Variants in TRAPPC10 observed in about 807,000 individuals in gnomAD.
The protein encoded by TRAPPC10 is TRAPP 130 kDa subunit.
TRAPPC10 carries 23 observed loss-of-function variants against 125.5 expected under a neutral mutation model. The observed-to-expected ratio is 0.18, with a 90% CI of 0.13 to 0.26. The LOEUF (loss-of-function observed/expected upper bound fraction) is 0.26, where lower values mean the gene tolerates loss of function less well. Ranked by LOEUF, TRAPPC10 falls within the 10% of genes least tolerant of loss-of-function variation. TRAPPC10 has a pLI of 1.00. For synonymous variants in TRAPPC10, 509 were observed against 518.0 expected (o/e 0.98, Z 0.24); for missense variants, 1,123 against 1,308.4 (o/e 0.86, Z 2.19).
In TRAPPC10 at chr21:44,058,237, T is replaced by G. The variant is rs377420120; in HGVS notation, c.679-866T>G. Among the ~76,000 whole-genome samples the G allele has an allele frequency of 2.9e-4, 44 of 152,178 alleles. 1 individual carries two copies. The East Asian group carries it at 5.6e-3, about 19-fold the overall frequency. On this transcript the variant is annotated intron_variant, in intron 5 of 22. Coordinates refer to ENST00000291574, the MANE Select transcript of TRAPPC10 (RefSeq NM_003274.5). ...GGACTTAGCCAGAGCTGAAGGAGTT[T>G]GGAGAGCAAGCCATGTGGGTGTATA...
At chr21:44,067,259 A>G (rs2036519932) in intron 7 of TRAPPC10, among the ~76,000 whole-genome samples, 4 of 152,174 alleles carry the variant, frequency 2.6e-5, no homozygotes, top group Non-Finnish European at 5.9e-5. Flanking sequence ...GAGGAAGAAG[A>G]AGGTTTACAG....
chr21:44,012,649 C>A, intron 1 of TRAPPC10, 89 bp downstream of exon 1: 1 of 1,200,294 alleles, frequency 8.3e-7, no homozygotes, highest in Non-Finnish European at 1.2e-6. Flanking sequence ...GACCTTCAGC[C>A]CCCGGCGCGC....
chr21:44,040,664 A>C (rs1255484407), intron 3 of TRAPPC10, among the ~76,000 whole-genome samples: 1 of 150,668 alleles, frequency 6.6e-6, no homozygotes, highest in Non-Finnish European at 1.5e-5. Context: ...CCCAGGCTGG[A>C]GTGCTGGAGT....
At chr21:44,040,210 A>G (rs956801801) in intron 3 of TRAPPC10, among the ~76,000 whole-genome samples, 3 of 152,248 alleles carry the variant, frequency 2.0e-5, no homozygotes, top group Non-Finnish European at 4.4e-5. Flanking sequence ...AACTAAGTTT[A>G]TAAGTTCCCA....
rs2035900655 is a variant in TRAPPC10, at chr21:44,059,843, G to T, written c.790+629G>T. The T allele has an allele frequency of 3.6e-6, 1 of 278,836 alleles. No homozygotes were observed. Among genetic ancestry groups the T allele is most frequent in the Non-Finnish European group, 6.7e-6 (1 of 150,066 alleles). 17.3% of individuals were successfully genotyped at this position (278,836 alleles called of 1,614,324 possible). A position where few individuals can be genotyped will look rare whatever the true frequency, so the allele number is the denominator to read the frequency against. ...CCTGGGCATCTCTCCAGGTTAGCAG[G>T]TGGGGTTTGGAGTTGTTTTTGTTAC... is the stretch of plus-strand genomic sequence containing the variant. On this transcript the variant is annotated intron_variant, in intron 6 of 22. Coordinates refer to ENST00000291574, the MANE Select transcript of TRAPPC10 (RefSeq NM_003274.5). The surrounding 1 kb of genome is among the most constrained non-coding windows in gnomAD (Gnocchi z 4.4).
At chr21:44,079,252 T>C (rs922983186) in intron 11 of TRAPPC10, among the ~76,000 whole-genome samples, 4 of 152,198 alleles carry the variant, frequency 2.6e-5, no homozygotes, top group Admixed American at 2.6e-4. Context: ...TCATGAATGA[T>C]AGGCTCACTT....
chr21:44,030,668 A>T (rs1385553682), intron 1 of TRAPPC10, among the ~76,000 whole-genome samples: 1 of 152,002 alleles, frequency 6.6e-6, no homozygotes, highest in African/African-American at 2.4e-5. Context: ...AGGTTTCTCC[A>T]TGTTGGTCAG....
chr21:44,032,242 A>C, intron 2 of TRAPPC10, 70 bp downstream of exon 2: 1 of 1,285,642 alleles, frequency 7.8e-7, no homozygotes, highest in East Asian at 2.3e-5. Context: ...GTTTTTAAAT[A>C]AGTATATGTT....
chr21:44,082,753 C>T lies in TRAPPC10; in HGVS notation c.1724-35C>T. On this transcript the variant is annotated intron_variant, in intron 13 of 22. Coordinates refer to ENST00000291574, the MANE Select transcript of TRAPPC10 (RefSeq NM_003274.5). This position sits in a 1 kb window ranked among gnomAD's most constrained non-coding sequence, Gnocchi z 4.4. ...TGCTGCTTACTGTCAGGAAGTGTGA[C>T]TTGGGGAGTCACTTACGATAATGTC... The T allele has an allele frequency of 6.2e-7, 1 of 1,608,112 alleles. No homozygotes were observed. Among genetic ancestry groups the T allele is most frequent in the Non-Finnish European group, 8.5e-7 (1 of 1,176,054 alleles).
Position 44,087,522 on chromosome 21 carries a change from G to A in TRAPPC10, c.2540-177G>A, listed in dbSNP as rs577867679. On this transcript the variant is annotated intron_variant, in intron 16 of 22. Coordinates refer to ENST00000291574, the MANE Select transcript of TRAPPC10 (RefSeq NM_003274.5). This position sits in a 1 kb window ranked among gnomAD's most constrained non-coding sequence, Gnocchi z 4.6. Reference sequence around the variant, plus strand: ...TGATGGGTCTGGGCGCCTGCCTGCCGGCTTTCACACAGGGCTGCTCTGTCC... The same window carrying A: ...TGATGGGTCTGGGCGCCTGCCTGCCAGCTTTCACACAGGGCTGCTCTGTCC... Among the ~76,000 whole-genome samples, 11 of 151,972 alleles carry A rather than the reference G, an allele frequency of 7.2e-5. No homozygotes were observed. The highest frequency in any genetic ancestry group is 1.5e-4 in the Non-Finnish European group (10 of 67,956).
At chr21:44,018,849 A>C (rs979879429) in intron 1 of TRAPPC10, among the ~76,000 whole-genome samples, 6 of 152,254 alleles carry the variant, frequency 3.9e-5, no homozygotes, top group African/African-American at 1.4e-4. Context: ...AAATACAAAT[A>C]ACTGACTTAA....
intron 1 of TRAPPC10, among the ~76,000 whole-genome samples, chr21:44,014,196 A>G (rs1015956855): frequency 2.0e-5 from 3 of 152,210 alleles, no homozygotes; most frequent in South Asian, 2.1e-4. Context: ...CCTAAGCTCT[A>G]TTGGATTCAA....
intron 3 of TRAPPC10, among the ~76,000 whole-genome samples, chr21:44,047,563 T>TGCGC (rs1228173314): frequency 4.1e-5 from 6 of 147,866 alleles, no homozygotes; most frequent in Non-Finnish European, 8.9e-5. Flanking sequence ...TGTGTGTGTG[T>TGCGC]GTGCGCGCAC....
intron 3 of TRAPPC10, among the ~76,000 whole-genome samples, chr21:44,041,710 C>T (rs939890348): frequency 2.6e-5 from 4 of 151,862 alleles, no homozygotes; most frequent in Non-Finnish European, 5.9e-5. Context: ...AATTATTTTC[C>T]CATCATTATT....
intron 14 of TRAPPC10, 138 bp downstream of exon 14, chr21:44,083,440 C>A: frequency 1.1e-6 from 1 of 895,510 alleles, no homozygotes; most frequent in East Asian, 2.5e-5. Flanking sequence ...TGTCCTTATA[C>A]AAAAATACAC....
chr21:44,063,009 C>A lies in TRAPPC10; in HGVS notation c.791-529C>A. On this transcript the variant is annotated intron_variant, in intron 6 of 22. Transcript: ENST00000291574. The surrounding 1 kb of genome is among the most constrained non-coding windows in gnomAD (Gnocchi z 4.4). ...TTTTCGACAAGCAGTAATTCTTTTT[C>A]CTTCTATGTGCTGCTACCAAGTCCT... 7.7e-7 allele frequency: 1 copy of A among 1,303,466 alleles called. No individual in the cohort carries two copies. Among genetic ancestry groups the A allele is most frequent in the Non-Finnish European group, 1.0e-6 (1 of 988,792 alleles). The allele number at this position is 1,303,466 out of a possible 1,614,324, so 80.7% of individuals were successfully genotyped here.
intron 1 of TRAPPC10, among the ~76,000 whole-genome samples, chr21:44,013,260 G>A (rs1015614072): frequency 2.0e-5 from 3 of 152,168 alleles, no homozygotes; most frequent in African/African-American, 7.2e-5. Flanking sequence ...CAAAGGAACT[G>A]TTTTTCTGTT....
chr21:44,073,426 C>A (rs560214552), intron 7 of TRAPPC10, among the ~76,000 whole-genome samples: 4 of 152,230 alleles, frequency 2.6e-5, no homozygotes, highest in African/African-American at 7.2e-5. Context: ...GTGTAAGATG[C>A]CACTTGATTA....
At position 44,014,593 on chromosome 21, in the gene TRAPPC10, G is replaced by T. The variant is rs866161005; in HGVS notation, c.67+2033G>T. On this transcript the variant is annotated intron_variant, in intron 1 of 22. Coordinates refer to ENST00000291574, the MANE Select transcript of TRAPPC10 (RefSeq NM_003274.5). ...GCTAATTTTTTGTTTGTTTGTTTTT[G>T]TTTTTTTTTTTTTTCAGTAGAGACA... Among the ~76,000 whole-genome samples, 138 of 136,750 alleles carry T rather than the reference G, an allele frequency of 1.0e-3. 1 individual carries two copies. Among genetic ancestry groups the T allele is most frequent in the East Asian group, 3.6e-3 (17 of 4,756 alleles). The allele number at this position is 136,750 out of a possible 152,430, so 89.7% of individuals were successfully genotyped here.
Sources: gnomAD v4.1 joint callset for allele counts (sites outside exome capture counted in the v4.1 genomes callset) on GRCh38, gnomAD v4.1.1 for gene constraint, Gnocchi (gnomAD v3.1) non-coding constraint, MANE v1.5 for transcripts, NCBI Gene and HGNC (gene_info 2026-07-23, HGNC 2026-07-21) for gene names.